The following SLC35F5 variants were observed in gnomAD, a reference collection of about 807,000 sequenced individuals.
SLC35F5 encodes solute carrier family 35 member F5, also known as HCV NS5A-transactivated protein 3.
In SLC35F5, 54 loss-of-function variants were observed where a neutral mutation model predicts 68.6. That is an observed-to-expected ratio of 0.79 (90% CI 0.63 to 0.99). SLC35F5 has a LOEUF of 0.99. Among genes scored for constraint, SLC35F5 ranks in the 50% least tolerant of loss-of-function variants. SLC35F5 has a pLI of 0.00. For missense variants in SLC35F5, 567 were observed against 626.9 expected (o/e 0.90, Z 1.02); for synonymous variants, 211 against 205.2 (o/e 1.03, Z -0.24).
In SLC35F5 at chr2:113,725,499, C is replaced by T. The variant is rs1206620618; in HGVS notation, c.1129G>A (p.Gly377Ser). ...CCAGTATAATGAAGTAAAAAGAAAC[C>T]TGGCCATAAGAGCAGCAGATTAAAC... ...GLFNLLLLWPGFFLLHYTGFE... is the reference protein window; with the variant it reads ...GLFNLLLLWPSFFLLHYTGFE... Residue 377 changes from glycine (G) to serine (S), a missense_variant, in exon 12 of 16, where the codon GGT (glycine) becomes AGT (serine). Physicochemically the swap from Gly to Ser is moderately conservative, Grantham distance 56. Coordinates refer to ENST00000245680, the MANE Select transcript of SLC35F5 (RefSeq NM_025181.5). 6.2e-7 allele frequency: 1 copy of T among 1,601,620 alleles called. No individual in the cohort carries two copies. The highest frequency in any genetic ancestry group is 1.4e-5 in the African/African-American group (1 of 73,900).
intron 8 of SLC35F5, among the ~76,000 whole-genome samples, chr2:113,735,269 T>C (rs1421545189): frequency 6.6e-6 from 1 of 152,222 alleles, no homozygotes; most frequent in African/African-American, 2.4e-5. Context: ...GGCTAAGGCA[T>C]GAAACTACAG....
In SLC35F5 at chr2:113,707,194, A is replaced by C. The variant is rs1159441619; in HGVS notation, c.*8024T>G. Among the ~76,000 whole-genome samples the C allele has an allele frequency of 1.3e-5, 2 of 152,176 alleles. No homozygotes were observed. The highest frequency in any genetic ancestry group is 2.4e-5 in the African/African-American group (1 of 41,438). ...TTCCATAACTCATTATAAATATTTC[A>C]TCTTCCGAAAGTACTCTTTGATTAC... is the stretch of plus-strand genomic sequence containing the variant. On this transcript the variant is annotated 3_prime_UTR_variant, in exon 16 of 16. Coordinates refer to ENST00000245680, the MANE Select transcript of SLC35F5 (RefSeq NM_025181.5).
rs779071904 is a variant in SLC35F5, at chr2:113,710,697, G to A, written c.*4521C>T. 6.6e-6 allele frequency among the ~76,000 whole-genome samples: 1 copy of A among 152,044 alleles called. No individual in the cohort carries two copies. The highest frequency in any genetic ancestry group is 1.5e-5 in the Non-Finnish European group (1 of 68,018). On this transcript the variant is annotated 3_prime_UTR_variant, in exon 16 of 16. Coordinates refer to ENST00000245680, the MANE Select transcript of SLC35F5 (RefSeq NM_025181.5). The stretch of plus-strand genomic sequence containing the variant: ...AGACTGAGGTGGGAGGATGGCTTGA[G>A]CTTGGGAGGTTGCAGTGAGCCAAGA...
chr2:113,717,942 A>T, intron 14 of SLC35F5, 92 bp from the exon 15 acceptor site: 1 of 846,226 alleles, frequency 1.2e-6, no homozygotes, highest in Non-Finnish European at 1.8e-6. Flanking sequence ...AGCTATGTGG[A>T]CAGGATGCAA....
intron 14 of SLC35F5, among the ~76,000 whole-genome samples, chr2:113,718,760 A>C (rs1296878929): frequency 2.6e-5 from 4 of 151,868 alleles, no homozygotes; most frequent in Non-Finnish European, 5.9e-5. Flanking sequence ...GTGCCATTGC[A>C]CTCCAGGCTG....
In SLC35F5 at chr2:113,710,196, C is replaced by G. The variant is rs1686941368; in HGVS notation, c.*5022G>C. 6.6e-6 allele frequency among the ~76,000 whole-genome samples: 1 copy of G among 152,140 alleles called. No homozygotes were observed. The highest frequency in any genetic ancestry group is 1.5e-5 in the Non-Finnish European group (1 of 68,028). On this transcript the variant is annotated 3_prime_UTR_variant, in exon 16 of 16. Transcript: ENST00000245680. ...AAGCCACTGCTCTCCAGCATGTGGT[C>G]TCTGAAACTTTACTTAGGAGTATGC...
At chr2:113,755,345 T>C (rs1472432312) in intron 2 of SLC35F5, 39 bp from the exon 3 acceptor site, 1 of 1,608,476 alleles carries the variant, frequency 6.2e-7, no homozygotes, top group Non-Finnish European at 8.5e-7. Flanking sequence ...AGAGATGATT[T>C]TAGAAAAACA....
At position 113,722,744 on chromosome 2, in the gene SLC35F5, A is replaced by G. The variant is rs549974542; in HGVS notation, c.1341+360T>C. On this transcript the variant is annotated intron_variant, in intron 13 of 15. Transcript: ENST00000245680. ...AAACAGCATGATTCCTGTGCTGCTC[A>G]TTCAGCACAGTGTTAAGGAGCCTGT... Among the ~76,000 whole-genome samples, 4 of 152,332 alleles carry G rather than the reference A, an allele frequency of 2.6e-5. No homozygotes were observed. In the East Asian group the frequency reaches 7.7e-4, roughly 29 times the overall value.
intron 13 of SLC35F5, among the ~76,000 whole-genome samples, chr2:113,722,292 G>C (rs892552771): frequency 6.6e-6 from 1 of 152,032 alleles, no homozygotes; most frequent in African/African-American, 2.4e-5. Context: ...GAGAAAAATA[G>C]GTTTAAAATT....
chr2:113,715,910 T>C (rs987875799), intron 15 of SLC35F5, among the ~76,000 whole-genome samples: 4 of 152,172 alleles, frequency 2.6e-5, no homozygotes, highest in Non-Finnish European at 4.4e-5. Context: ...TTCCACTTGT[T>C]CTCCAAAACC....
chr2:113,755,431 T>C (rs200441021), intron 2 of SLC35F5, 23 bp downstream of exon 2: 6 of 1,612,368 alleles, frequency 3.7e-6, no homozygotes, highest in Non-Finnish European at 4.2e-6. Context: ...GAAAGTTACA[T>C]AGAGGATAAA....
At chr2:113,716,681 A>G (rs949810567) in intron 15 of SLC35F5, among the ~76,000 whole-genome samples, 2 of 152,218 alleles carry the variant, frequency 1.3e-5, no homozygotes, top group Non-Finnish European at 2.9e-5. Context: ...GAAAATACCA[A>G]AAGAATCAGC....
Position 113,742,724 on chromosome 2 carries a change from C to T in SLC35F5, c.718G>A (p.Val240Ile). Residue 240 changes from valine (V) to isoleucine (I), a missense_variant, in exon 7 of 16, where the codon GTA becomes ATA. Coordinates refer to ENST00000245680, the MANE Select transcript of SLC35F5 (RefSeq NM_025181.5). ...CAAAAAAAAAAGCTAATTTTCGCTA[C>T]TTGAGTTGCAGTAAGTTTCCCCACA... ...KTVGKLTATQVAKISFFFCFV... is the reference protein window; with the variant it reads ...KTVGKLTATQIAKISFFFCFV... 1.9e-6 allele frequency: 3 copies of T among 1,613,902 alleles called. No homozygotes were observed. The highest frequency in any genetic ancestry group is 2.5e-6 in the Non-Finnish European group (3 of 1,179,970).
At chr2:113,756,143 TC>T in intron 1 of SLC35F5, 1 of 1,446,194 alleles carries the variant, frequency 6.9e-7, no homozygotes, top group Non-Finnish European at 9.1e-7. Flanking sequence ...CAGCGACGCC[TC>T]CCCGGGGAGC....
chr2:113,735,710 A>G, intron 8 of SLC35F5, 67 bp downstream of exon 8: 1 of 1,011,096 alleles, frequency 9.9e-7, no homozygotes, highest in South Asian at 1.5e-5. Context: ...TTGTACATGT[A>G]CACACATATA....
rs180976281 is a variant in SLC35F5, at chr2:113,749,054, G to A, written c.417+1371C>T. On this transcript the variant is annotated intron_variant, in intron 4 of 15. Transcript: ENST00000245680. ...TCCTGACCTCATGATTCGCCCCCTC[G>A]GCCTCCCAAAGTGCTGGGATAAGAG... 4.6e-5 allele frequency among the ~76,000 whole-genome samples: 7 copies of A among 152,096 alleles called. 1 individual carries two copies. The highest frequency in any genetic ancestry group is 1.7e-4 in the African/African-American group (7 of 41,424).
intron 3 of SLC35F5, among the ~76,000 whole-genome samples, chr2:113,754,290 A>G (rs1676876694): frequency 7.0e-6 from 1 of 142,976 alleles, no homozygotes; most frequent in African/African-American, 2.6e-5. Context: ...GCAAGACTCC[A>G]TCTCAAAAAA....
chr2:113,713,802 T>TA lies in SLC35F5; in HGVS notation c.*1415dup, dbSNP rs1397734947. 7.1e-6 allele frequency: 1 copy of TA among 140,580 alleles called. No individual in the cohort carries two copies. Among genetic ancestry groups the TA allele is most frequent in the Admixed American group, 7.1e-5 (1 of 14,120 alleles). The allele number at this position is 140,580 out of a possible 1,614,324, so 8.7% of individuals were successfully genotyped here. ...TGTTTGTATTTTAAATTTAATATCA[T>TA]AAACAATTTTTAAAGGTAATATAAT... On this transcript the variant is annotated 3_prime_UTR_variant, in exon 16 of 16. Transcript: ENST00000245680.
chr2:113,714,490 C>T lies in SLC35F5; in HGVS notation c.*728G>A, dbSNP rs940351516. The T allele has an allele frequency of 3.9e-5, 6 of 152,052 alleles. No individual in the cohort carries two copies. The highest frequency in any genetic ancestry group is 7.4e-5 in the Non-Finnish European group (5 of 67,936). 9.4% of individuals were successfully genotyped at this position (152,052 alleles called of 1,614,324 possible). A position where few individuals can be genotyped will look rare whatever the true frequency, so the allele number is the denominator to read the frequency against. ...AACAGAGCTTTATCAATTAAGTTTA[C>T]AGCAATATAGCCTTTAGAAATACAT... On this transcript the variant is annotated 3_prime_UTR_variant, in exon 16 of 16. Coordinates refer to ENST00000245680, the MANE Select transcript of SLC35F5 (RefSeq NM_025181.5).
Sources: gnomAD v4.1 joint callset for allele counts (sites outside exome capture counted in the v4.1 genomes callset) on GRCh38, gnomAD v4.1.1 for gene constraint, MANE v1.5 for transcripts, NCBI Gene and HGNC (gene_info 2026-07-23, HGNC 2026-07-21) for gene names.